Variants in OSBPL6 observed in about 807,000 individuals in gnomAD.
The protein encoded by OSBPL6 is oxysterol-binding protein-related protein 6.
In OSBPL6, 49 loss-of-function variants were observed where a neutral mutation model predicts 125.8. The ratio of observed to expected loss-of-function variants is 0.39; its 90% CI spans 0.31 to 0.49. The LOEUF (loss-of-function observed/expected upper bound fraction) is 0.49. Ranked by LOEUF, OSBPL6 falls within the 20% of genes least tolerant of loss-of-function variation. The probability of loss-of-function intolerance (pLI) is 0.88; values close to 1 mark genes in which losing one functional copy is unlikely to be tolerated. For missense variants in OSBPL6, 986 were observed against 1,135.4 expected, an observed-to-expected ratio of 0.87 and a Z score of 1.89; for synonymous variants, 394 against 391.8, an observed-to-expected ratio of 1.01 and a Z score of -0.07.
rs938605240 is a variant in OSBPL6, at chr2:178,401,867, A to G, written c.*6308A>G. ...TAAGGTGAGAGTGTGCCAGCTAAATACTCTTTCCTTTGTCCCTGTGCCTCA... is the reference window on the plus strand; with the variant it reads ...TAAGGTGAGAGTGTGCCAGCTAAATGCTCTTTCCTTTGTCCCTGTGCCTCA... On this transcript the variant is annotated 3_prime_UTR_variant, in exon 25 of 25. Coordinates refer to ENST00000190611, the MANE Select transcript of OSBPL6 (RefSeq NM_032523.4). 5.9e-5 allele frequency: 9 copies of G among 151,716 alleles called. No individual in the cohort carries two copies. The highest frequency in any genetic ancestry group is 2.2e-4 in the African/African-American group (9 of 41,250). 9.4% of individuals were successfully genotyped at this position (151,716 alleles called of 1,614,324 possible). A position where few individuals can be genotyped will look rare whatever the true frequency, so the allele number is the denominator to read the frequency against.
intron 1 of OSBPL6, among the ~76,000 whole-genome samples, chr2:178,280,370 A>G (rs1684035092): frequency 3.3e-5 from 5 of 152,148 alleles, no homozygotes; most frequent in Admixed American, 3.3e-4. Context: ...TGTTTCTAAT[A>G]TTTTTGGCTT....
intron 15 of OSBPL6, among the ~76,000 whole-genome samples, chr2:178,375,779 C>A (rs372360084): frequency 9.5e-4 from 144 of 152,320 alleles, no homozygotes; most frequent in South Asian, 5.6e-3. Flanking sequence ...TATGTGAGTT[C>A]TTACCTATCA....
rs375707791 is a variant in OSBPL6 at position 178,282,858 on chromosome 2, G to A, written c.-350-2069G>A. On this transcript the variant is annotated intron_variant, in intron 1 of 24. Coordinates refer to ENST00000190611, the MANE Select transcript of OSBPL6 (RefSeq NM_032523.4). ...AGTAGAGATGGGGTTTCACCATGTT[G>A]GCCAAGCTGGTCTCGATCTCCTGAC... is the stretch of plus-strand genomic sequence containing the variant. 2.6e-5 allele frequency among the ~76,000 whole-genome samples: 4 copies of A among 152,172 alleles called. No individual in the cohort carries two copies. In the East Asian group the frequency reaches 7.7e-4, roughly 29 times the overall value.
chr2:178,347,227 C>T (rs1023449094), intron 11 of OSBPL6, among the ~76,000 whole-genome samples: 2 of 152,132 alleles, frequency 1.3e-5, no homozygotes, highest in Non-Finnish European at 2.9e-5. Flanking sequence ...ATTCCTCACC[C>T]GCTAGAGGAA....
intron 12 of OSBPL6, among the ~76,000 whole-genome samples, chr2:178,354,118 G>A (rs1691549465): frequency 6.6e-6 from 1 of 152,186 alleles, no homozygotes; most frequent in South Asian, 2.1e-4. Context: ...ACTGGTACCA[G>A]CCACTGCGAA....
At chr2:178,279,685 C>T (rs542160927) in intron 1 of OSBPL6, among the ~76,000 whole-genome samples, 5 of 152,290 alleles carry the variant, frequency 3.3e-5, no homozygotes, top group African/African-American at 4.8e-5. Flanking sequence ...CACGCATGCA[C>T]GCCAATTTTG....
intron 1 of OSBPL6, among the ~76,000 whole-genome samples, chr2:178,243,612 C>T (rs1372740666): frequency 6.6e-6 from 1 of 152,154 alleles, no homozygotes; most frequent in Non-Finnish European, 1.5e-5. Context: ...ATTGCCATAG[C>T]TTCCCCATTT....
chr2:178,285,379 G>T (rs1329076560), intron 2 of OSBPL6, among the ~76,000 whole-genome samples: 2 of 152,090 alleles, frequency 1.3e-5, no homozygotes, highest in Admixed American at 6.5e-5. Context: ...CTGGCATCAT[G>T]TGGAAATATG....
chr2:178,306,379 T>C, intron 3 of OSBPL6, 93 bp downstream of exon 3: 1 of 789,318 alleles, frequency 1.3e-6, no homozygotes, highest in Non-Finnish European at 2.1e-6. Flanking sequence ...TGAAATTTTG[T>C]TGTAAAGTCT....
intron 1 of OSBPL6, among the ~76,000 whole-genome samples, chr2:178,271,406 C>T (rs188553997): frequency 6.4e-4 from 98 of 152,144 alleles, no homozygotes; most frequent in East Asian, 2.9e-3. Flanking sequence ...GAAATAATTC[C>T]CTCAAAGCAG....
intron 22 of OSBPL6, 131 bp from the exon 23 acceptor site, chr2:178,392,281 A>C: frequency 8.9e-7 from 1 of 1,118,096 alleles, no homozygotes; most frequent in Non-Finnish European, 1.3e-6. Flanking sequence ...ATTCACTTGA[A>C]AAAATCTATA....
chr2:178,388,984 T>TC (rs770679188), intron 20 of OSBPL6, 25 bp from the exon 21 acceptor site: 62 of 1,607,770 alleles, frequency 3.9e-5, no homozygotes, highest in Non-Finnish European at 5.1e-5. Context: ...TGGTTGTTTT[T>TC]CATCAGTGTT....
intron 1 of OSBPL6, among the ~76,000 whole-genome samples, chr2:178,272,805 T>G (rs2092398562): frequency 6.6e-6 from 1 of 152,222 alleles, no homozygotes; most frequent in South Asian, 2.1e-4. Context: ...GCAAAAAGCA[T>G]GAGCACCTGC....
In OSBPL6 at chr2:178,357,424, G is replaced by A. The variant is rs192270502; in HGVS notation, c.1154-4258G>A. On this transcript the variant is annotated intron_variant, in intron 12 of 24. Coordinates refer to ENST00000190611, the MANE Select transcript of OSBPL6 (RefSeq NM_032523.4). Reference sequence around the variant, plus strand: ...CAATCCCATCAAAAAGTGGGCAAAGGATATGAACAGACACTTCTCAAAAGA... The same window carrying A: ...CAATCCCATCAAAAAGTGGGCAAAGAATATGAACAGACACTTCTCAAAAGA... 3.3e-5 allele frequency among the ~76,000 whole-genome samples: 5 copies of A among 152,256 alleles called. No individual in the cohort carries two copies. The East Asian group carries it at 9.7e-4, about 29-fold the overall frequency.
chr2:178,204,041 T>G (rs2089403893), intron 1 of OSBPL6, among the ~76,000 whole-genome samples: 1 of 150,968 alleles, frequency 6.6e-6, no homozygotes, highest in East Asian at 1.9e-4. Flanking sequence ...TTTTTTTTTT[T>G]TTGAGACAAT....
chr2:178,262,913 G>A (rs1370625329), intron 1 of OSBPL6, among the ~76,000 whole-genome samples: 1 of 152,158 alleles, frequency 6.6e-6, no homozygotes, highest in Non-Finnish European at 1.5e-5. Flanking sequence ...ATCAAATACA[G>A]TTGAAATTTA....
chr2:178,202,885 A>T (rs2153939184), intron 1 of OSBPL6, among the ~76,000 whole-genome samples: 1 of 151,710 alleles, frequency 6.6e-6, no homozygotes, highest in South Asian at 2.1e-4. Flanking sequence ...TAATTTGATC[A>T]GGATGTACCT....
intron 1 of OSBPL6, among the ~76,000 whole-genome samples, chr2:178,256,167 A>C (rs1476809666): frequency 2.0e-5 from 3 of 152,220 alleles, no homozygotes; most frequent in Non-Finnish European, 4.4e-5. Context: ...GAATTAGAAC[A>C]AAAAACAAGT....
chr2:178,354,516 T>C (rs1029175831), intron 12 of OSBPL6, among the ~76,000 whole-genome samples: 9 of 152,100 alleles, frequency 5.9e-5, no homozygotes, highest in Non-Finnish European at 1.2e-4. Context: ...GGTAAAGTGA[T>C]CAATTCAACA....
Sources: gnomAD v4.1 joint callset for allele counts (sites outside exome capture counted in the v4.1 genomes callset) on GRCh38, gnomAD v4.1.1 for gene constraint, MANE v1.5 for transcripts, NCBI Gene and HGNC (gene_info 2026-07-23, HGNC 2026-07-21) for gene names.